Variants in RBM12B observed in about 807,000 individuals in gnomAD.
The protein encoded by RBM12B is RNA-binding protein 12B.
A neutral mutation model predicts 34.3 loss-of-function variants in RBM12B; 10 were observed. The ratio of observed to expected loss-of-function variants is 0.29; its 90% CI spans 0.18 to 0.49. RBM12B has a LOEUF of 0.49. RBM12B is among the 20% of genes least tolerant of loss of function. The probability of loss-of-function intolerance (pLI) is 0.99; values close to 1 mark genes in which losing one functional copy is unlikely to be tolerated. For missense variants in RBM12B, 1,139 were observed against 1,262.7 expected, an observed-to-expected ratio of 0.90 and a Z score of 1.48; for synonymous variants, 477 against 437.1, an observed-to-expected ratio of 1.09 and a Z score of -1.14.
rs1270576370 is a variant in RBM12B at position 93,739,974 on chromosome 8, A to G, written c.-78+655T>C. On this transcript the variant is annotated intron_variant, in intron 2 of 3. Coordinates refer to ENST00000520560, the MANE Select transcript of RBM12B (RefSeq NM_001377960.1). ...AAATAAGTAATATCTCATCAGATCC[A>G]TTTGATTTTTAACTAGCGAAGAAAA... 1.3e-5 allele frequency: 4 copies of G among 304,036 alleles called. No individual in the cohort carries two copies. The Admixed American group carries it at 1.9e-4, about 15-fold the overall frequency. The allele number at this position is 304,036 out of a possible 1,614,324, so 18.8% of individuals were successfully genotyped here.
At chr8:93,739,220 T>A (rs1276563387) in intron 2 of RBM12B, 2 of 152,150 alleles carry the variant, frequency 1.3e-5, no homozygotes, top group Non-Finnish European at 2.9e-5. Flanking sequence ...TTTAAAAAAA[T>A]TTTAACGGGA....
chr8:93,729,825 CAAA>C lies in RBM12B; in HGVS notation c.*3577_*3579del, dbSNP rs373122031. On this transcript the variant is annotated 3_prime_UTR_variant, in exon 4 of 4. Coordinates refer to ENST00000520560, the MANE Select transcript of RBM12B (RefSeq NM_001377960.1). The stretch of plus-strand genomic sequence containing the variant: ...TTCCTAGCTTCCACTACAACAACAA[CAAA>C]AAACAGGCAACCAATCCAACCAACC... The C allele has an allele frequency of 6.6e-6, 1 of 152,104 alleles. No individual in the cohort carries two copies. The highest frequency in any genetic ancestry group is 1.5e-5 in the Non-Finnish European group (1 of 68,002). 9.4% of individuals were successfully genotyped at this position (152,104 alleles called of 1,614,324 possible).
Position 93,734,705 on chromosome 8 carries a change from G to C in RBM12B, c.1706C>G (p.Pro569Arg), listed in dbSNP as rs150172581. The change falls in exon 4 of 4, where the codon CCG (proline) becomes CGG (arginine). Residue 569 changes from proline (P) to arginine (R), a missense_variant. This residue lies in a region of RBM12B where 863 missense variants were observed against 869.5 expected (regional missense o/e 0.99). Coordinates refer to ENST00000520560, the MANE Select transcript of RBM12B (RefSeq NM_001377960.1). ...CTCTGGGGAGTGCCTGAAGTCCTCC[G>C]GGGGGAACCTAAAGTCCTCTGAGGA... is the stretch of plus-strand genomic sequence containing the variant. The part of the protein sequence containing the change: ...RHSSEDFRFP[P>R]EDFRHSPEDF... The C allele has an allele frequency of 4.4e-5, 71 of 1,613,968 alleles. No individual in the cohort carries two copies. The African/African-American group carries it at 8.5e-4, about 19-fold the overall frequency.
chr8:93,737,683 T>C (rs1226968365), intron 2 of RBM12B, among the ~76,000 whole-genome samples: 1 of 152,094 alleles, frequency 6.6e-6, no homozygotes, highest in Non-Finnish European at 1.5e-5. Context: ...AGTAGTTACA[T>C]GGGTGTATAA....
rs183336853 is a variant in RBM12B, at chr8:93,735,024, G to A, written c.1387C>T (p.Arg463Ter). The A allele has an allele frequency of 3.7e-6, 6 of 1,613,950 alleles. No individual in the cohort carries two copies. The highest frequency in any genetic ancestry group is 1.7e-5 in the Admixed American group (1 of 60,012). Residue 463 changes from arginine (R) to a stop codon, truncating the protein, a stop_gained, in exon 4 of 4, where the codon CGA (arginine) becomes TGA (stop). Transcript: ENST00000520560. LOFTEE classifies it low-confidence loss of function (END_TRUNC). ...QAMKAERLNR[R>*]RFLGTEVLLR... ...AACACCTCTGTCCCTAGGAATCTTC[G>A]TCGGTTTAAACGTTCAGCTTTCATG...
At position 93,733,824 on chromosome 8, in the gene RBM12B, C is replaced by T. The variant is rs753696690; in HGVS notation, c.2587G>A (p.Asp863Asn). ...EAPEEDPRLPDNFRPPGEDFR... is the reference protein window; with the variant it reads ...EAPEEDPRLPNNFRPPGEDFR... ...TCCTCACCAGGAGGTCTAAAATTGT[C>T]AGGAAGTCTAGGGTCCTCCTCCGGA... Residue 863 changes from aspartate (D) to asparagine (N), a missense_variant, in exon 4 of 4, where the codon GAC becomes AAC. Transcript: ENST00000520560. The T allele has an allele frequency of 6.2e-7, 1 of 1,614,128 alleles. No homozygotes were observed. Among genetic ancestry groups the T allele is most frequent in the Non-Finnish European group, 8.5e-7 (1 of 1,180,024 alleles).
chr8:93,734,313 T>C lies in RBM12B; in HGVS notation c.2098A>G (p.Arg700Gly). 1.2e-6 allele frequency: 2 copies of C among 1,613,584 alleles called. No individual in the cohort carries two copies. The highest frequency in any genetic ancestry group is 1.7e-6 in the Non-Finnish European group (2 of 1,179,836). The change falls in exon 4 of 4, where the codon AGG becomes GGG. Residue 700 changes from arginine (R) to glycine (G), a missense_variant. Arg to Gly is a moderately radical substitution (Grantham distance 125). This residue lies in a region of RBM12B where 863 missense variants were observed against 869.5 expected (regional missense o/e 0.99). Transcript: ENST00000520560. The part of the protein sequence containing the change: ...EWRRPPEDDF[R>G]RPPEEDFRHS... ...CTGAAATCCTCCTCTGGGGGCCGCC[T>C]GAAGTCATCCTCGGGTGGTCGCCTC...
chr8:93,738,292 AATG>A (rs1812085517), intron 2 of RBM12B, among the ~76,000 whole-genome samples: 1 of 152,214 alleles, frequency 6.6e-6, no homozygotes, highest in South Asian at 2.1e-4. Flanking sequence ...AGGAAACCCA[AATG>A]ATGATGTAGA....
Position 93,733,743 on chromosome 8 carries a change from G to A in RBM12B, c.2668C>T (p.Arg890Cys), listed in dbSNP as rs375518122. 2.2e-5 allele frequency: 36 copies of A among 1,613,936 alleles called. No homozygotes were observed. Among genetic ancestry groups the A allele is most frequent in the African/African-American group, 4.0e-5 (3 of 74,890 alleles). ...RSHRPFVNFG[R>C]PEGGKFDFGK... ...AAATCAAACTTGCCACCTTCTGGGC[G>A]ACCAAAATTCACAAAAGGGCGGTGA... Residue 890 changes from arginine to cysteine, a missense_variant, in exon 4 of 4, where the codon CGC (arginine) becomes TGC (cysteine). Transcript: ENST00000520560.
Position 93,733,935 on chromosome 8 carries a change from C to A in RBM12B, c.2476G>T (p.Asp826Tyr). The A allele has an allele frequency of 6.2e-7, 1 of 1,613,164 alleles. No homozygotes were observed. ...TCTTCCTCCTGGGGGCTCCTGAAGT[C>A]CTCATCAGGAGGGTGCCTAAAGTCT... ...DEDFRHPPDEDFRSPQEEDFR... is the reference protein window; with the variant it reads ...DEDFRHPPDEYFRSPQEEDFR... The change falls in exon 4 of 4, where the codon GAC becomes TAC. Residue 826 changes from aspartate to tyrosine, a missense_variant. Physicochemically the swap from Asp to Tyr is radical, Grantham distance 160 (BLOSUM62 -3). Coordinates refer to ENST00000520560, the MANE Select transcript of RBM12B (RefSeq NM_001377960.1).
chr8:93,728,782 C>G lies in RBM12B; in HGVS notation c.*4623G>C, dbSNP rs772505045. Reference sequence around the variant, plus strand: ...CTTTATCATTTGATAAGTAAATTTACTTTTCAAGAAGAGTATAACCAAAGA... The same window carrying G: ...CTTTATCATTTGATAAGTAAATTTAGTTTTCAAGAAGAGTATAACCAAAGA... On this transcript the variant is annotated 3_prime_UTR_variant, in exon 4 of 4. Coordinates refer to ENST00000520560, the MANE Select transcript of RBM12B (RefSeq NM_001377960.1). 6.6e-6 allele frequency: 1 copy of G among 151,880 alleles called. No individual in the cohort carries two copies. The highest frequency in any genetic ancestry group is 2.4e-5 in the African/African-American group (1 of 41,356). 9.4% of individuals were successfully genotyped at this position (151,880 alleles called of 1,614,324 possible).
chr8:93,738,209 G>A (rs1055040093), intron 2 of RBM12B, among the ~76,000 whole-genome samples: 14 of 152,082 alleles, frequency 9.2e-5, no homozygotes, highest in African/African-American at 3.4e-4. Context: ...AAGCCAAACA[G>A]AAAATGCTAT....
Position 93,736,176 on chromosome 8 carries a change from T to C in RBM12B, c.235A>G (p.Met79Val). The C allele has an allele frequency of 3.1e-6, 5 of 1,614,202 alleles. No homozygotes were observed. The highest frequency in any genetic ancestry group is 4.2e-6 in the Non-Finnish European group (5 of 1,180,034). ...CTTTTCATTTCTATAGTCTTCTGCA[T>C]TTCTGCCTTGCTACTAAGAAAGAGC... ...VELFLSSKAE[M>V]QKTIEMKRTD... The change falls in exon 4 of 4, where the codon ATG becomes GTG. Residue 79 changes from methionine to valine, a missense_variant. This residue lies in a region of RBM12B where 216 missense variants were observed against 292.2 expected (regional missense o/e 0.74). Coordinates refer to ENST00000520560, the MANE Select transcript of RBM12B (RefSeq NM_001377960.1).
chr8:93,740,090 C>G (rs1812148569), intron 2 of RBM12B: 4 of 356,230 alleles, frequency 1.1e-5, no homozygotes, highest in Non-Finnish European at 2.2e-5. Context: ...CATATTCACA[C>G]TCTAAACGTG....
rs1812000272 is a variant in RBM12B, at chr8:93,735,764, C to T, written c.647G>A (p.Ser216Asn). ...TTCTATAAATCTTGAACCCATAAAACTTCTATGACATTTAAGACCTCCTGA... is the reference window on the plus strand; with the variant it reads ...TTCTATAAATCTTGAACCCATAAAATTTCTATGACATTTAAGACCTCCTGA... ...DASGGLKCHR[S>N]FMGSRFIEVM... Residue 216 changes from serine to asparagine, a missense_variant, in exon 4 of 4, where the codon AGT (serine) becomes AAT (asparagine). By Grantham distance (46) the Ser-to-Asn change is conservative. Transcript: ENST00000520560. The T allele has an allele frequency of 1.2e-6, 2 of 1,613,944 alleles. No homozygotes were observed. Among genetic ancestry groups the T allele is most frequent in the East Asian group, 2.2e-5 (1 of 44,882 alleles).
rs538204600 is a variant in RBM12B, at chr8:93,733,319, T to TAA, written c.*84_*85dup. 1.8e-5 allele frequency: 18 copies of TAA among 978,888 alleles called. No homozygotes were observed. The highest frequency in any genetic ancestry group is 6.8e-5 in the South Asian group (2 of 29,496). The allele number at this position is 978,888 out of a possible 1,614,324, so 60.6% of individuals were successfully genotyped here. On this transcript the variant is annotated 3_prime_UTR_variant, in exon 4 of 4. Coordinates refer to ENST00000520560, the MANE Select transcript of RBM12B (RefSeq NM_001377960.1). ...AAATAAAATATTTCATTAGATAATT[T>TAA]AAAAAAAAAACACTTTTTTAAAACA...
At chr8:93,736,500 AAGCTT>A (rs1812027146) in intron 3 of RBM12B, 62 bp from the exon 4 acceptor site, 4 of 1,289,776 alleles carry the variant, frequency 3.1e-6, no homozygotes, top group Non-Finnish European at 4.1e-6. Context: ...AGCCCAAACT[AAGCTT>A]AATAATTACC....
chr8:93,738,566 A>G (rs1358593579), intron 2 of RBM12B, among the ~76,000 whole-genome samples: 1 of 152,148 alleles, frequency 6.6e-6, no homozygotes, highest in Non-Finnish European at 1.5e-5. Context: ...AGGCTCAGGC[A>G]ATGCTCCCAC....
Position 93,734,592 on chromosome 8 carries a change from G to A in RBM12B, c.1819C>T (p.Pro607Ser), listed in dbSNP as rs1811944657. The A allele has an allele frequency of 2.5e-6, 4 of 1,613,290 alleles. No homozygotes were observed. The highest frequency in any genetic ancestry group is 1.6e-4 in the Middle Eastern group (1 of 6,082). The change falls in exon 4 of 4, where the codon CCG becomes TCG. Residue 607 changes from proline (P) to serine (S), a missense_variant. Pro to Ser is a moderately conservative substitution (Grantham distance 74). Around this residue, in one of 3 missense-constraint regions of RBM12B, gnomAD observed 863 missense variants for 869.5 expected, o/e 0.99. Transcript: ENST00000520560. ...RPWEEDFRRP[P>S]EDDFRHPREE... The stretch of plus-strand genomic sequence containing the variant: ...CTAGGGTGCCTGAAGTCATCCTCCG[G>A]AGGGCGCCTGAAATCTTCCTCCCAA...
Sources: gnomAD v4.1 joint callset for allele counts (sites outside exome capture counted in the v4.1 genomes callset) on GRCh38, gnomAD v4.1.1 for gene constraint, gnomAD v4.1.1 regional missense constraint, MANE v1.5 for transcripts, NCBI Gene and HGNC (gene_info 2026-07-23, HGNC 2026-07-21) for gene names.